MXD1: variants seen among roughly 807,000 people sequenced by gnomAD.
MXD1 encodes MAX dimerization protein 1, also known as MAX-binding protein.
In MXD1, 9 loss-of-function variants were observed where a neutral mutation model predicts 25.7. That is an observed-to-expected ratio of 0.35 (90% CI 0.21 to 0.61). The LOEUF (loss-of-function observed/expected upper bound fraction) is 0.61. MXD1 is among the 20% of genes least tolerant of loss of function. The pLI, the probability that MXD1 is intolerant of heterozygous loss-of-function variation, is 0.75. For synonymous variants in MXD1, 99 were observed against 113.9 expected (o/e 0.87, Z 0.83); for missense variants, 227 against 292.4 (o/e 0.78, Z 1.63).
chr2:69,920,986 C>T lies in MXD1; in HGVS notation c.174-750C>T, dbSNP rs369658306. Among the ~76,000 whole-genome samples, 10 of 152,310 alleles carry T rather than the reference C, an allele frequency of 6.6e-5. No homozygotes were observed. The East Asian group carries it at 1.3e-3, about 21-fold the overall frequency. ...CTAATCAGTTTTACAGCTGTTACCT[C>T]ATTGGTCCATACTTGTTCAGTAAAT... On this transcript the variant is annotated intron_variant, in intron 2 of 5. Transcript: ENST00000264444.
intron 3 of MXD1, among the ~76,000 whole-genome samples, chr2:69,930,682 C>T (rs1677261813): frequency 6.6e-6 from 1 of 152,180 alleles, no homozygotes; most frequent in Non-Finnish European, 1.5e-5. Context: ...GCCAGATAGC[C>T]TCTGTCTGCC....
At chr2:69,937,502 G>T in intron 5 of MXD1, 108 bp downstream of exon 5, 1 of 1,105,704 alleles carries the variant, frequency 9.0e-7, no homozygotes, top group Non-Finnish European at 1.3e-6. Context: ...TAAGACACTG[G>T]GTATGATGTA....
At chr2:69,919,155 CTA>C (rs1677013714) in intron 2 of MXD1, among the ~76,000 whole-genome samples, 1 of 152,054 alleles carries the variant, frequency 6.6e-6, no homozygotes, top group South Asian at 2.1e-4. Context: ...GTATATAACT[CTA>C]TTTATTAGTT....
intron 3 of MXD1, among the ~76,000 whole-genome samples, chr2:69,924,730 A>G (rs1677137587): frequency 7.5e-6 from 1 of 132,738 alleles, no homozygotes; most frequent in Non-Finnish European, 1.6e-5. Flanking sequence ...AATCAAGTGT[A>G]AAAAGATTGC....
chr2:69,918,371 C>T (rs1047690456), intron 2 of MXD1, among the ~76,000 whole-genome samples: 3 of 152,142 alleles, frequency 2.0e-5, no homozygotes, highest in Admixed American at 6.5e-5. Flanking sequence ...ATCTTATTCA[C>T]GTTTCTCTAG....
Position 69,915,412 on chromosome 2 carries a change from G to A in MXD1, c.73+9G>A, listed in dbSNP as rs1676943228. ...GGAGCGGCGGGAGAGAGGTGCACGG[G>A]GACGGGGAGGGGTCCACTCGAAACG... On this transcript the variant is annotated intron_variant, in intron 1 of 5. Transcript: ENST00000264444. The surrounding 1 kb of genome is among the most constrained non-coding windows in gnomAD (Gnocchi z 5.8). The A allele has an allele frequency of 3.1e-6, 4 of 1,275,106 alleles. No individual in the cohort carries two copies. The highest frequency in any genetic ancestry group is 2.9e-5 in the South Asian group (1 of 34,538). 79.0% of individuals were successfully genotyped at this position (1,275,106 alleles called of 1,614,324 possible).
intron 3 of MXD1, among the ~76,000 whole-genome samples, chr2:69,932,101 G>A (rs1051088105): frequency 6.6e-6 from 1 of 152,176 alleles, no homozygotes; most frequent in East Asian, 1.9e-4. Context: ...GGGCACAGGA[G>A]TAGTCAGAAC....
intron 3 of MXD1, among the ~76,000 whole-genome samples, chr2:69,934,437 G>A (rs566339335): frequency 4.9e-4 from 75 of 152,280 alleles, no homozygotes; most frequent in African/African-American, 1.3e-3. Flanking sequence ...AGTTGCCGTG[G>A]CTGCTGCTTC....
intron 3 of MXD1, among the ~76,000 whole-genome samples, chr2:69,928,756 G>A (rs940335948): frequency 4.6e-5 from 7 of 151,650 alleles, no homozygotes; most frequent in Middle Eastern, 3.2e-3. Context: ...TGAGGTGGGA[G>A]GATTGATTGA....
chr2:69,936,378 C>T (rs1438208774), intron 4 of MXD1, among the ~76,000 whole-genome samples: 2 of 152,094 alleles, frequency 1.3e-5, no homozygotes, highest in East Asian at 1.9e-4. Flanking sequence ...AGCCCCAGCA[C>T]CTCCTAGGGT....
chr2:69,923,739 G>A (rs1301365966), intron 3 of MXD1, among the ~76,000 whole-genome samples: 1 of 152,198 alleles, frequency 6.6e-6, no homozygotes, highest in East Asian at 1.9e-4. Context: ...TCATGAACTA[G>A]AAACTCAAAA....
intron 1 of MXD1, 57 bp from the exon 2 acceptor site, chr2:69,916,064 G>GGA (rs1346108361): frequency 1.1e-5 from 10 of 905,678 alleles, no homozygotes; most frequent in Non-Finnish European, 1.7e-5. Flanking sequence ...ACTGTAGAGA[G>GGA]GAGAGAGCAT....
At chr2:69,925,986 A>G (rs1403908510) in intron 3 of MXD1, among the ~76,000 whole-genome samples, 1 of 152,200 alleles carries the variant, frequency 6.6e-6, no homozygotes, top group Non-Finnish European at 1.5e-5. Flanking sequence ...CATTTCTCAT[A>G]CTACTAGCAT....
In MXD1 at chr2:69,937,249, T is replaced by C. The variant is rs749012624; in HGVS notation, c.333T>C (p.Cys111=). 1 of 1,613,840 alleles carries C rather than the reference T, an allele frequency of 6.2e-7. No individual in the cohort carries two copies. The change falls in exon 5 of 6, where the codon TGT becomes TGC. Residue 111 remains cysteine, a synonymous_variant. Transcript: ENST00000264444. ...AKLHIKKLED[C]DRKAVHQIDQ... The stretch of plus-strand genomic sequence containing the variant: ...TTGACTTGCAGAAACTTGAAGATTG[T>C]GACAGAAAAGCCGTTCACCAAATCG...
chr2:69,935,884 C>T (rs754292322), intron 4 of MXD1, among the ~76,000 whole-genome samples: 1 of 152,206 alleles, frequency 6.6e-6, no homozygotes, highest in Non-Finnish European at 1.5e-5. Flanking sequence ...AACAGTCCTT[C>T]CAAGGTGCAA....
intron 4 of MXD1, among the ~76,000 whole-genome samples, chr2:69,935,771 G>A (rs560245195): frequency 2.0e-5 from 3 of 152,164 alleles, no homozygotes; most frequent in East Asian, 1.9e-4. Flanking sequence ...TTTTGCAACC[G>A]GTCTACTTCC....
At chr2:69,922,936 C>G (rs1029984149) in intron 3 of MXD1, among the ~76,000 whole-genome samples, 1 of 149,958 alleles carries the variant, frequency 6.7e-6, no homozygotes, top group Non-Finnish European at 1.5e-5. Flanking sequence ...GTATCCATTA[C>G]CCAGCTTCAG....
Position 69,938,285 on chromosome 2 carries a change from G to A in MXD1, c.*1G>A. 6.2e-7 allele frequency: 1 copy of A among 1,613,884 alleles called. No individual in the cohort carries two copies. The highest frequency in any genetic ancestry group is 1.1e-5 in the South Asian group (1 of 91,068). On this transcript the variant is annotated 3_prime_UTR_variant, in exon 6 of 6. Transcript: ENST00000264444. ...TCACAAGGCGTGTCTTGGTCTCTAA[G>A]AGAGTGGGCACTGCGGCTGTCTCCT...
chr2:69,941,559 C>T lies in MXD1; in HGVS notation c.*3275C>T, dbSNP rs917083143. Reference sequence around the variant, plus strand: ...AGTAGGCCCTCGTCCTGCAGTTGGCCACTTGAGTGTTTTGTTTTGTTTTTA... The same window carrying T: ...AGTAGGCCCTCGTCCTGCAGTTGGCTACTTGAGTGTTTTGTTTTGTTTTTA... On this transcript the variant is annotated 3_prime_UTR_variant, in exon 6 of 6. Coordinates refer to ENST00000264444, the MANE Select transcript of MXD1 (RefSeq NM_002357.4). 1 of 152,134 alleles carries T rather than the reference C, an allele frequency of 6.6e-6. No homozygotes were observed. Among genetic ancestry groups the T allele is most frequent in the Non-Finnish European group, 1.5e-5 (1 of 68,032 alleles). The allele number at this position is 152,134 out of a possible 1,614,324, so 9.4% of individuals were successfully genotyped here.
Sources: gnomAD v4.1 joint callset for allele counts (sites outside exome capture counted in the v4.1 genomes callset) on GRCh38, gnomAD v4.1.1 for gene constraint, Gnocchi (gnomAD v3.1) non-coding constraint, MANE v1.5 for transcripts, NCBI Gene and HGNC (gene_info 2026-07-23, HGNC 2026-07-21) for gene names.